The following SYPL2 variants were observed in gnomAD, a reference collection of about 807,000 sequenced individuals.
SYPL2 encodes synaptophysin like 2.
In SYPL2, 24 loss-of-function variants were observed where a neutral mutation model predicts 31.3. The ratio of observed to expected loss-of-function variants is 0.77; its 90% CI spans 0.56 to 1.08. The LOEUF is 1.08. Ranked by LOEUF, SYPL2 falls within the 50% of genes least tolerant of loss-of-function variation. SYPL2 has a pLI of 0.00. For missense variants in SYPL2, 342 were observed against 360.1 expected (o/e 0.95, Z 0.41); for synonymous variants, 144 against 143.1 (o/e 1.01, Z -0.05).
chr1:109,477,939 T>C lies in SYPL2; in HGVS notation c.578T>C (p.Val193Ala), dbSNP rs1192764265. ...RPSSLTAAMS[V>A]CHGEEAVCSA... The stretch of plus-strand genomic sequence containing the variant: ...TCCAGCTTGACAGCAGCCATGTCAG[T>C]GTGCCATGGAGAGGAAGCAGTGTGC... Residue 193 changes from valine (V) to alanine (A), a missense_variant, in exon 5 of 6, where the codon GTG becomes GCG. By Grantham distance (64) the Val-to-Ala change is moderately conservative. Transcript: ENST00000369872. 1.2e-6 allele frequency: 2 copies of C among 1,614,186 alleles called. No homozygotes were observed. The highest frequency in any genetic ancestry group is 1.1e-5 in the South Asian group (1 of 91,084).
In SYPL2 at chr1:109,466,754, A is replaced by T; in HGVS notation, c.-90A>T. On this transcript the variant is annotated 5_prime_UTR_variant, in exon 1 of 6. Transcript: ENST00000369872. ...GCCCCGCTCGCCTGCTCTGCCCCGG[A>T]CCTGCAGCTCCCCGCTCCCCCGCCG... The T allele has an allele frequency of 7.3e-7, 1 of 1,367,522 alleles. No individual in the cohort carries two copies. Among genetic ancestry groups the T allele is most frequent in the Non-Finnish European group, 9.5e-7 (1 of 1,051,600 alleles). The allele number at this position is 1,367,522 out of a possible 1,614,324, so 84.7% of individuals were successfully genotyped here. A position where few individuals can be genotyped will look rare whatever the true frequency, so the allele number is the denominator to read the frequency against.
At position 109,479,449 on chromosome 1, in the gene SYPL2, T is replaced by TGGACAG. The variant is rs1351816664; in HGVS notation, c.723_728dup (p.Gly245_Gln246dup). 9 of 1,608,766 alleles carry TGGACAG rather than the reference T, an allele frequency of 5.6e-6. No homozygotes were observed. Among genetic ancestry groups the TGGACAG allele is most frequent in the Non-Finnish European group, 7.7e-6 (9 of 1,175,056 alleles). ...TTGTGTTCAAGGAGACCCCGTGGCA[T>TGGACAG]GGACAGGGCCAGGGCCAGGACCAGG... On this transcript the variant is annotated inframe_insertion, in exon 6 of 6. Transcript: ENST00000369872.
At position 109,479,602 on chromosome 1, in the gene SYPL2, C is replaced by T. The variant is rs969870199; in HGVS notation, c.*54C>T. 3.2e-5 allele frequency: 51 copies of T among 1,579,366 alleles called. No homozygotes were observed. Among genetic ancestry groups the T allele is most frequent in the Admixed American group, 1.0e-4 (6 of 57,224 alleles). ...TGGACAGCACCTCTTCAACCACCTC[C>T]GGCTTCCAGGACCTTTCTCTTCCTC... On this transcript the variant is annotated 3_prime_UTR_variant, in exon 6 of 6. Transcript: ENST00000369872.
chr1:109,471,132 T>C (rs1282344187), intron 2 of SYPL2, among the ~76,000 whole-genome samples: 2 of 152,152 alleles, frequency 1.3e-5, no homozygotes, highest in African/African-American at 4.8e-5. Context: ...AATGTGACTT[T>C]GGGAAAGTGA....
At position 109,476,807 on chromosome 1, in the gene SYPL2, T is replaced by C. The variant is rs1475918354; in HGVS notation, c.286T>C (p.Cys96Arg). Residue 96 changes from cysteine (C) to arginine (R), a missense_variant, in exon 4 of 6, where the codon TGC becomes CGC. Transcript: ENST00000369872. ...CCGGATCCAATATGAGATGCCCCTC[T>C]GCGATGAAGAGTCCAGCTCCAAGAC... ...LHRIQYEMPL[C>R]DEESSSKTMH... 1.9e-6 allele frequency: 3 copies of C among 1,614,068 alleles called. No homozygotes were observed. In the African/African-American group the frequency reaches 4.0e-5, roughly 22 times the overall value.
chr1:109,468,920 C>G (rs1011863099), intron 2 of SYPL2, among the ~76,000 whole-genome samples: 6 of 79,656 alleles, frequency 7.5e-5, no homozygotes, highest in Non-Finnish European at 1.7e-4. Context: ...TCTTCAAGTA[C>G]TTAGAAAGGG....
At chr1:109,475,431 G>T (rs1228038146) in intron 2 of SYPL2, 150 bp from the exon 3 acceptor site, 1 of 1,094,062 alleles carries the variant, frequency 9.1e-7, no homozygotes, top group South Asian at 1.7e-5. Context: ...GAAGCCATGG[G>T]TTTCTACCTA....
intron 2 of SYPL2, among the ~76,000 whole-genome samples, chr1:109,469,035 G>A (rs543617499): frequency 1.3e-5 from 2 of 152,330 alleles, no homozygotes; most frequent in East Asian, 1.9e-4. Context: ...ACAAAGAAAC[G>A]TGCTTTGCTT....
intron 2 of SYPL2, 135 bp from the exon 3 acceptor site, chr1:109,475,446 G>A (rs1655964838): frequency 1.6e-6 from 2 of 1,257,160 alleles, no homozygotes; most frequent in Admixed American, 5.3e-5. Context: ...TACCTAGGAA[G>A]AACTTGATTA....
In SYPL2 at chr1:109,476,934, G is replaced by A. The variant is rs1212067013; in HGVS notation, c.413G>A (p.Arg138His). The A allele has an allele frequency of 5.0e-6, 8 of 1,613,978 alleles. No homozygotes were observed. The highest frequency in any genetic ancestry group is 3.3e-5 in the Admixed American group (2 of 59,988). ...ATGGCTGCCCTAGTTATCTACCTGC[G>A]CTTCCACAACCTCTACACAGAGAAC... ...YTMAALVIYL[R>H]FHNLYTENKR... The change falls in exon 4 of 6, where the codon CGC becomes CAC. Residue 138 changes from arginine (R) to histidine (H), a missense_variant. Coordinates refer to ENST00000369872, the MANE Select transcript of SYPL2 (RefSeq NM_001040709.2).
intron 4 of SYPL2, 152 bp from the exon 5 acceptor site, chr1:109,477,666 C>T: frequency 8.5e-7 from 1 of 1,173,224 alleles, no homozygotes; most frequent in Non-Finnish European, 1.2e-6. Flanking sequence ...GAACAGATGC[C>T]TCAGGACCAC....
Position 109,466,819 on chromosome 1 carries a change from C to T in SYPL2, c.-25C>T, listed in dbSNP as rs1655653068. The T allele has an allele frequency of 2.0e-6, 3 of 1,510,452 alleles. No individual in the cohort carries two copies. The highest frequency in any genetic ancestry group is 1.2e-5 in the South Asian group (1 of 81,986). 93.6% of individuals were successfully genotyped at this position (1,510,452 alleles called of 1,614,324 possible). A position where few individuals can be genotyped will look rare whatever the true frequency, so the allele number is the denominator to read the frequency against. ...CGGCCAGAGAGCCAAGCCACCACGC[C>T]GCGCCCAGCGCTCGCCGCGCCAGCA... On this transcript the variant is annotated 5_prime_UTR_variant, in exon 1 of 6. Transcript: ENST00000369872.
At chr1:109,473,657 T>C (rs960013190) in intron 2 of SYPL2, among the ~76,000 whole-genome samples, 6 of 151,420 alleles carry the variant, frequency 4.0e-5, no homozygotes, top group Non-Finnish European at 5.9e-5. Context: ...CTTTGGGAGG[T>C]TGAGGCGGGC....
intron 2 of SYPL2, among the ~76,000 whole-genome samples, chr1:109,471,154 G>A (rs1275629324): frequency 6.6e-6 from 1 of 152,082 alleles, no homozygotes; most frequent in Non-Finnish European, 1.5e-5. Context: ...TTAATCTTTT[G>A]GGGCTTCACA....
At chr1:109,470,164 A>C (rs1170845215) in intron 2 of SYPL2, among the ~76,000 whole-genome samples, 1 of 152,124 alleles carries the variant, frequency 6.6e-6, no homozygotes, top group Non-Finnish European at 1.5e-5. Flanking sequence ...AGTTGTAAAA[A>C]ATTTTTGTAA....
At chr1:109,467,539 G>C (rs1477241650) in intron 2 of SYPL2, among the ~76,000 whole-genome samples, 3 of 152,148 alleles carry the variant, frequency 2.0e-5, no homozygotes, top group Non-Finnish European at 2.9e-5. Flanking sequence ...GGGCAAAGGA[G>C]GGAAGGAAGC....
Position 109,476,899 on chromosome 1 carries a change from C to T in SYPL2, c.378C>T (p.Phe126=), listed in dbSNP as rs1557861269. Residue 126 remains phenylalanine, a synonymous_variant, in exon 4 of 6, where the codon TTC becomes TTT. Coordinates refer to ENST00000369872, the MANE Select transcript of SYPL2 (RefSeq NM_001040709.2). ...TCGTGACCCTTGGCATCTTTTCCTT[C>T]TTCTATACCATGGCTGCCCTAGTTA... The part of the protein sequence containing the change: ...EFFVTLGIFS[F]FYTMAALVIY... 1.2e-6 allele frequency: 2 copies of T among 1,614,220 alleles called. No individual in the cohort carries two copies. Among genetic ancestry groups the T allele is most frequent in the Non-Finnish European group, 8.5e-7 (1 of 1,180,040 alleles).
intron 2 of SYPL2, among the ~76,000 whole-genome samples, chr1:109,472,463 G>A (rs1655863051): frequency 1.3e-5 from 2 of 151,930 alleles, no homozygotes; most frequent in African/African-American, 4.8e-5. Flanking sequence ...CACTGTACAT[G>A]CTAGGCATAG....
chr1:109,472,605 C>CTTTTTT (rs59224604), intron 2 of SYPL2, among the ~76,000 whole-genome samples: 9 of 71,070 alleles, frequency 1.3e-4, no homozygotes, highest in African/African-American at 4.9e-4. Flanking sequence ...TTTTTCTTTA[C>CTTTTTT]TTTTTTTTTT....
Sources: gnomAD v4.1 joint callset for allele counts (sites outside exome capture counted in the v4.1 genomes callset) on GRCh38, gnomAD v4.1.1 for gene constraint, MANE v1.5 for transcripts, NCBI Gene and HGNC (gene_info 2026-07-23, HGNC 2026-07-21) for gene names.